ZNF280C: variants seen among roughly 807,000 people sequenced by gnomAD.
ZNF280C encodes the protein zinc finger protein 280C, also known as suppressor of hairy wing homolog 3.
Under a neutral mutation model 53.6 loss-of-function variants are expected in ZNF280C, and 14 were observed. The observed-to-expected ratio is 0.26, with a 90% CI of 0.17 to 0.41. The LOEUF is 0.41. Among genes scored for constraint, ZNF280C ranks in the 10% least tolerant of loss-of-function variants. The pLI, the probability that ZNF280C is intolerant of heterozygous loss-of-function variation, is 1.00. For missense variants in ZNF280C, 416 were observed against 547.1 expected (o/e 0.76, Z 2.39); for synonymous variants, 203 against 181.1 (o/e 1.12, Z -0.97).
chrX:130,258,502 T>C (rs964777447), intron 2 of ZNF280C, among the ~76,000 whole-genome samples: 5 of 112,083 alleles, frequency 4.5e-5, no homozygotes, highest in South Asian at 3.7e-4. Context: ...TGGCATAACA[T>C]TGTTTGATGT....
At chrX:130,259,342 A>G (rs937803251) in intron 2 of ZNF280C, among the ~76,000 whole-genome samples, 1 of 112,385 alleles carries the variant, frequency 8.9e-6, no homozygotes, top group Non-Finnish European at 1.9e-5. Context: ...ATTTAAAGAA[A>G]CAAGGGAGAC....
chrX:130,242,468 T>C (rs923980440), intron 5 of ZNF280C, among the ~76,000 whole-genome samples: 6 of 112,263 alleles, frequency 5.3e-5, no homozygotes, highest in Non-Finnish European at 1.1e-4. Context: ...TTAAGAACAC[T>C]TGTTTTAGTT....
intron 3 of ZNF280C, among the ~76,000 whole-genome samples, chrX:130,246,136 T>C (rs765409725): frequency 1.2e-4 from 13 of 112,477 alleles, no homozygotes; most frequent in Non-Finnish European, 2.2e-4. Context: ...CCAAGTCTAA[T>C]TACTCTAACA....
intron 15 of ZNF280C, among the ~76,000 whole-genome samples, chrX:130,213,679 G>T (rs1370114615): frequency 1.8e-5 from 2 of 111,850 alleles, no homozygotes; most frequent in Non-Finnish European, 3.8e-5. Flanking sequence ...AAGTCATGGG[G>T]TAATGAGAAT....
Position 130,224,264 on chromosome X carries a change from A to G in ZNF280C, c.1395+2495T>C, listed in dbSNP as rs768612796. 3.6e-5 allele frequency among the ~76,000 whole-genome samples: 4 copies of G among 111,894 alleles called. No individual in the cohort carries two copies. In the South Asian group the frequency reaches 1.5e-3, roughly 42 times the overall value. ...GTGAAGACACAGTGAGAATATGGCCATCTATGAACAAGGAAGCAGGTCCTC... is the reference window on the plus strand; with the variant it reads ...GTGAAGACACAGTGAGAATATGGCCGTCTATGAACAAGGAAGCAGGTCCTC... On this transcript the variant is annotated intron_variant, in intron 12 of 18. Transcript: ENST00000370978.
chrX:130,238,320 A>C (rs1266062307), intron 6 of ZNF280C, among the ~76,000 whole-genome samples: 1 of 111,663 alleles, frequency 9.0e-6, no homozygotes. Flanking sequence ...AGAGAGCAAG[A>C]ATTAAAATTG....
At chrX:130,239,490 G>A (rs1479737616) in intron 6 of ZNF280C, 92 bp downstream of exon 6, 2 of 473,457 alleles carry the variant, frequency 4.2e-6, no homozygotes, top group Non-Finnish European at 7.2e-6. Flanking sequence ...AACTTAACAT[G>A]AAGGTATGGG....
intron 3 of ZNF280C, among the ~76,000 whole-genome samples, chrX:130,246,284 T>C (rs1040567394): frequency 1.8e-5 from 2 of 112,084 alleles, no homozygotes; most frequent in East Asian, 5.6e-4. Context: ...TAAACAGTAG[T>C]TGCGGAAGAT....
intron 8 of ZNF280C, among the ~76,000 whole-genome samples, chrX:130,232,855 C>T (rs1272027857): frequency 9.0e-6 from 1 of 111,436 alleles, no homozygotes; most frequent in Non-Finnish European, 1.9e-5. Context: ...GAATTGAAAT[C>T]GGAATCCCAA....
chrX:130,222,046 G>A (rs2032170078), intron 12 of ZNF280C, among the ~76,000 whole-genome samples: 1 of 110,458 alleles, frequency 9.1e-6, no homozygotes, highest in African/African-American at 3.3e-5. Flanking sequence ...GAATATCCTA[G>A]GTATATGTTC....
At chrX:130,267,189 T>C (rs1234492773) in intron 1 of ZNF280C, among the ~76,000 whole-genome samples, 1 of 111,762 alleles carries the variant, frequency 8.9e-6, no homozygotes, top group East Asian at 2.8e-4. Context: ...TAGCTGAGAT[T>C]TGGAGTTATT....
chrX:130,218,681 A>T (rs1351028113), intron 13 of ZNF280C, among the ~76,000 whole-genome samples: 1 of 111,853 alleles, frequency 8.9e-6, no homozygotes, highest in African/African-American at 3.3e-5. Flanking sequence ...TGAGTTTAAG[A>T]ATCTTAGTAC....
chrX:130,256,448 G>T (rs907258029), intron 2 of ZNF280C, among the ~76,000 whole-genome samples: 1 of 111,853 alleles, frequency 8.9e-6, no homozygotes, highest in East Asian at 2.8e-4. Flanking sequence ...GGGCGCGGTG[G>T]TGGTGCACGC....
rs867052880 is a variant in ZNF280C at position 130,205,012 on chromosome X, A to C, written c.2199-20T>G. The stretch of plus-strand genomic sequence containing the variant: ...GAGCAGCTTTAAGAAAAAAAAAAAA[A>C]AACTTTAATATTTTTCATTTATATT... On this transcript the variant is annotated intron_variant, in intron 18 of 18. Coordinates refer to ENST00000370978, the MANE Select transcript of ZNF280C (RefSeq NM_017666.5). 14 of 1,049,708 alleles carry C rather than the reference A, an allele frequency of 1.3e-5. No homozygotes were observed. Among genetic ancestry groups the C allele is most frequent in the African/African-American group, 2.0e-5 (1 of 50,635 alleles). 86.5% of individuals were successfully genotyped at this position (1,049,708 alleles called of 1,213,427 possible).
chrX:130,266,792 G>A (rs954768498), intron 1 of ZNF280C, among the ~76,000 whole-genome samples: 2 of 111,795 alleles, frequency 1.8e-5, no homozygotes, highest in Non-Finnish European at 3.8e-5. Flanking sequence ...AAGTCTAGAC[G>A]TATATATTTG....
At chrX:130,257,396 A>G (rs2032586815) in intron 2 of ZNF280C, among the ~76,000 whole-genome samples, 1 of 111,390 alleles carries the variant, frequency 9.0e-6, no homozygotes, top group Non-Finnish European at 1.9e-5. Flanking sequence ...AAATCACTGA[A>G]TATGATTTAC....
intron 8 of ZNF280C, among the ~76,000 whole-genome samples, chrX:130,233,920 TA>T (rs2032305307): frequency 9.2e-6 from 1 of 108,592 alleles, no homozygotes; most frequent in African/African-American, 3.4e-5. Flanking sequence ...GACTACACAC[TA>T]AAACAAGGGT....
chrX:130,205,553 A>C, intron 16 of ZNF280C, 138 bp from the exon 17 acceptor site: 1 of 431,822 alleles, frequency 2.3e-6, no homozygotes, highest in East Asian at 4.1e-5. Flanking sequence ...TTTGTTATAT[A>C]AACTTGATAT....
At position 130,250,090 on chromosome X, in the gene ZNF280C, C is replaced by CA. The variant is rs372953646; in HGVS notation, c.32-3086dup. On this transcript the variant is annotated intron_variant, in intron 2 of 18. Transcript: ENST00000370978. ...TTGAAGACTGGTTTTCTAAGATAGC[C>CA]AAAAAAATATAGAGAAAAAAGAATG... 1.4e-3 allele frequency among the ~76,000 whole-genome samples: 153 copies of CA among 111,020 alleles called. 1 individual carries two copies. The South Asian group carries it at 0.014, about 10-fold the overall frequency.
Sources: gnomAD v4.1 joint callset for allele counts (sites outside exome capture counted in the v4.1 genomes callset) on GRCh38, gnomAD v4.1.1 for gene constraint, MANE v1.5 for transcripts, NCBI Gene and HGNC (gene_info 2026-07-23, HGNC 2026-07-21) for gene names.